The following KDM5B variants were observed in gnomAD, a reference collection of about 807,000 sequenced individuals.
The protein encoded by KDM5B is lysine demethylase 5B.
Under a neutral mutation model 193.4 loss-of-function variants are expected in KDM5B, and 144 were observed. The observed-to-expected ratio is 0.74, with a 90% CI of 0.65 to 0.86. The LOEUF is 0.86. Ranked by LOEUF, KDM5B falls within the 40% of genes least tolerant of loss-of-function variation. The probability of loss-of-function intolerance (pLI) is 0.00; values close to 1 mark genes in which losing one functional copy is unlikely to be tolerated. For missense variants in KDM5B, 1,833 were observed against 1,886.9 expected (o/e 0.97, Z 0.53); for synonymous variants, 668 against 682.6 (o/e 0.98, Z 0.33).
At position 202,727,201 on chromosome 1, in the gene KDM5B, G is replaced by A. The variant is rs1211797794; in HGVS notation, c.*1835C>T. ...TCCTTTTAAGCTTAATTTCTCAATG[G>A]AAGGTGAGGACTGGGACAGTTGGCA... On this transcript the variant is annotated 3_prime_UTR_variant, in exon 27 of 27. Transcript: ENST00000367265. The A allele has an allele frequency of 2.6e-5, 4 of 152,190 alleles. No homozygotes were observed. The highest frequency in any genetic ancestry group is 2.6e-4 in the Admixed American group (4 of 15,272). 9.4% of individuals were successfully genotyped at this position (152,190 alleles called of 1,614,324 possible).
At chr1:202,794,717 T>C (rs1450567186) in intron 1 of KDM5B, among the ~76,000 whole-genome samples, 1 of 152,162 alleles carries the variant, frequency 6.6e-6, no homozygotes, top group Non-Finnish European at 1.5e-5. Flanking sequence ...ACAATAGAAA[T>C]GTAGCATATG....
chr1:202,735,838 T>G (rs535345745), intron 21 of KDM5B, among the ~76,000 whole-genome samples: 1 of 152,348 alleles, frequency 6.6e-6, no homozygotes, highest in South Asian at 2.1e-4. Flanking sequence ...ATCCCAGTCA[T>G]GATGCACAAG....
chr1:202,783,522 CA>C (rs1282626267), intron 1 of KDM5B, among the ~76,000 whole-genome samples: 1 of 151,842 alleles, frequency 6.6e-6, no homozygotes, highest in African/African-American at 2.4e-5. Context: ...CAAAAACAAA[CA>C]AAAAAACTTG....
chr1:202,753,664 G>GTTTTTTTT (rs771281999), intron 11 of KDM5B, among the ~76,000 whole-genome samples: 33 of 105,802 alleles, frequency 3.1e-4, no homozygotes, highest in Non-Finnish European at 5.1e-4. Flanking sequence ...TGTTGTTGTT[G>GTTTTTTTT]TTTTTTTTTT....
chr1:202,803,125 C>T (rs1658143239), intron 1 of KDM5B, among the ~76,000 whole-genome samples: 1 of 151,884 alleles, frequency 6.6e-6, no homozygotes, highest in Non-Finnish European at 1.5e-5. Context: ...TGCAACACTG[C>T]ATGCCAGCCT....
At chr1:202,746,634 G>C (rs1029608927) in intron 14 of KDM5B, 2 of 225,616 alleles carry the variant, frequency 8.9e-6, no homozygotes, top group Non-Finnish European at 1.7e-5. Context: ...AATTAGCCTT[G>C]TCCACATTTT....
chr1:202,808,232 T>C lies in KDM5B; in HGVS notation c.74A>G (p.Glu25Gly). The part of the protein sequence containing the change: ...LPLGGPGPLG[E>G]FLPPPECPVF... The stretch of plus-strand genomic sequence containing the variant: ...CGGGCACTCGGGTGGAGGCAGGAAC[T>C]CGCCCAGCGGGCCCGGGCCCCCGAG... The change falls in exon 1 of 27, where the codon GAG (glutamate) becomes GGG (glycine). Residue 25 changes from glutamate (E) to glycine (G), a missense_variant. Physicochemically the swap from Glu to Gly is moderately conservative, Grantham distance 98. This residue lies in a region of KDM5B where 355 missense variants were observed against 374.9 expected (regional missense o/e 0.95). Coordinates refer to ENST00000367265, the MANE Select transcript of KDM5B (RefSeq NM_006618.5). 1 of 1,612,074 alleles carries C rather than the reference T, an allele frequency of 6.2e-7. No homozygotes were observed.
rs371953559 is a variant in KDM5B at position 202,794,817 on chromosome 1, A to G, written c.204+13285T>C. On this transcript the variant is annotated intron_variant, in intron 1 of 26. Transcript: ENST00000367265. ...ATAGCAAATACTAAACCCTATATATACTATGTTTTTTTCCTATACATACAT... is the reference window on the plus strand; with the variant it reads ...ATAGCAAATACTAAACCCTATATATGCTATGTTTTTTTCCTATACATACAT... Among the ~76,000 whole-genome samples, 17 of 152,340 alleles carry G rather than the reference A, an allele frequency of 1.1e-4. 1 individual carries two copies. The highest frequency in any genetic ancestry group is 6.5e-4 in the Admixed American group (10 of 15,300).
Position 202,758,425 on chromosome 1 carries a change from G to C in KDM5B, c.1163C>G (p.Ala388Gly). 6.2e-7 allele frequency: 1 copy of C among 1,612,916 alleles called. No individual in the cohort carries two copies. The highest frequency in any genetic ancestry group is 2.2e-5 in the East Asian group (1 of 44,854). ...CATGTTGAAGTAATCAGATTTGAAC[G>C]CATCTGCCATTTCCCCAAAAGTACG... ...TLRTFGEMAD[A>G]FKSDYFNMPV... is the part of the protein sequence containing the mutation. Residue 388 changes from alanine to glycine, a missense_variant, in exon 9 of 27, where the codon GCG becomes GGG. This residue lies in a region of KDM5B where 99 missense variants were observed against 162.4 expected (regional missense o/e 0.61). Transcript: ENST00000367265.
intron 5 of KDM5B, among the ~76,000 whole-genome samples, chr1:202,765,001 T>G (rs1656392141): frequency 6.6e-6 from 1 of 152,186 alleles, no homozygotes; most frequent in African/African-American, 2.4e-5. Flanking sequence ...GTGTTTCTAT[T>G]CAAATTCGGA....
intron 5 of KDM5B, 52 bp downstream of exon 5, chr1:202,766,874 T>C (rs572257615): frequency 1.3e-6 from 2 of 1,514,316 alleles, no homozygotes; most frequent in East Asian, 2.4e-5. Flanking sequence ...CAGACAGCCA[T>C]TGGTATTAGG....
intron 20 of KDM5B, among the ~76,000 whole-genome samples, chr1:202,738,010 T>A (rs1655159786): frequency 6.6e-6 from 1 of 152,200 alleles, no homozygotes; most frequent in African/African-American, 2.4e-5. Flanking sequence ...CCTATGATAT[T>A]TAATTTAGAA....
In KDM5B at chr1:202,808,110, G is replaced by A. The variant is rs1558526602; in HGVS notation, c.196C>T (p.Pro66Ser). The A allele has an allele frequency of 1.9e-6, 3 of 1,610,850 alleles. No homozygotes were observed. Among genetic ancestry groups the A allele is most frequent in the Non-Finnish European group, 2.5e-6 (3 of 1,178,886 alleles). Residue 66 changes from proline (P) to serine (S), a missense_variant, in exon 1 of 27, where the codon CCG (proline) becomes TCG (serine). Physicochemically the swap from Pro to Ser is moderately conservative, Grantham distance 74. Coordinates refer to ENST00000367265, the MANE Select transcript of KDM5B (RefSeq NM_006618.5). ...GTGCTGGCGTGACTCACCGGCGGCG[G>A]CCGCACCTTACAGATGCCAGTCTGC... The part of the protein sequence containing the change: ...AEQTGICKVR[P>S]PPDWQPPFAC...
intron 5 of KDM5B, chr1:202,766,509 A>C (rs1259318797): frequency 5.2e-5 from 22 of 424,988 alleles, no homozygotes; most frequent in Non-Finnish European, 9.8e-5. Context: ...CTGTCTCTAA[A>C]AAAAAAAAAA....
chr1:202,804,780 C>T (rs919038721), intron 1 of KDM5B, among the ~76,000 whole-genome samples: 1 of 149,670 alleles, frequency 6.7e-6, no homozygotes, highest in African/African-American at 2.5e-5. Flanking sequence ...GAGGCCGAGG[C>T]GCATGGATCA....
chr1:202,804,509 A>C (rs1049023195), intron 1 of KDM5B, among the ~76,000 whole-genome samples: 1 of 152,342 alleles, frequency 6.6e-6, no homozygotes, highest in Non-Finnish European at 1.5e-5. Context: ...AAAGAAGTGT[A>C]TAAGTTCCTC....
In KDM5B at chr1:202,728,990, G is replaced by A. The variant is rs1177708576; in HGVS notation, c.*46C>T. On this transcript the variant is annotated 3_prime_UTR_variant, in exon 27 of 27. Coordinates refer to ENST00000367265, the MANE Select transcript of KDM5B (RefSeq NM_006618.5). ...GAGATTTGAAGAAATCCTCTTGGTT[G>A]GAGTCCTGAATTACATTAAGTAGGG... The A allele has an allele frequency of 1.2e-6, 2 of 1,611,362 alleles. No homozygotes were observed. The highest frequency in any genetic ancestry group is 1.7e-6 in the Non-Finnish European group (2 of 1,177,850).
chr1:202,745,707 C>T, intron 16 of KDM5B, 151 bp downstream of exon 16: 3 of 808,870 alleles, frequency 3.7e-6, no homozygotes, highest in Middle Eastern at 2.4e-4. Flanking sequence ...TTAAAACCTT[C>T]TCTGCCGGTG....
rs71564197 is a variant in KDM5B at position 202,746,409 on chromosome 1, G to GA, written c.2017-87dup. The GA allele has an allele frequency of 0.18, 89,478 of 497,136 alleles. 2,696 individuals carry two copies. The highest frequency in any genetic ancestry group is 0.22 in the Middle Eastern group (442 of 1,976). 30.8% of individuals were successfully genotyped at this position (497,136 alleles called of 1,614,324 possible). A position where few individuals can be genotyped will look rare whatever the true frequency, so the allele number is the denominator to read the frequency against. ...CAAACATGCAGTAGTACTTGAGTCTGAAAAAAAAAAAAAAGCTTTACCAAA... is the reference window on the plus strand; with the variant it reads ...CAAACATGCAGTAGTACTTGAGTCTGAAAAAAAAAAAAAAAGCTTTACCAAA... On this transcript the variant is annotated intron_variant, in intron 14 of 26. Transcript: ENST00000367265.
Sources: allele counts gnomAD v4.1 joint callset (sites outside exome capture counted in the v4.1 genomes callset), GRCh38; gene constraint gnomAD v4.1.1; regional missense constraint gnomAD v4.1.1; transcripts MANE v1.5; gene names NCBI Gene and HGNC (gene_info 2026-07-23, HGNC 2026-07-21).